Variants in TRERF1 observed in about 807,000 individuals in gnomAD.
TRERF1 encodes transcriptional-regulating factor 1.
TRERF1 carries 27 observed loss-of-function variants against 122.9 expected under a neutral mutation model. The ratio of observed to expected loss-of-function variants is 0.22; its 90% CI spans 0.16 to 0.30. The LOEUF (loss-of-function observed/expected upper bound fraction) is 0.30, where lower values mean the gene tolerates loss of function less well. TRERF1 is among the 10% of genes least tolerant of loss of function. TRERF1 has a pLI of 1.00. For synonymous variants in TRERF1, 636 were observed against 641.7 expected (o/e 0.99, Z 0.13); for missense variants, 1,248 against 1,560.3 (o/e 0.80, Z 3.37).
At chr6:42,339,262 C>A (rs376306846) in intron 3 of TRERF1, among the ~76,000 whole-genome samples, 7 of 152,206 alleles carry the variant, frequency 4.6e-5, no homozygotes, top group African/African-American at 1.7e-4. Flanking sequence ...CAAAAGCATG[C>A]CTATGGTCTT....
At chr6:42,442,074 C>T (rs1419055909) in intron 2 of TRERF1, among the ~76,000 whole-genome samples, 1 of 152,106 alleles carries the variant, frequency 6.6e-6, no homozygotes, top group African/African-American at 2.4e-5. Flanking sequence ...CCCCTCAGCT[C>T]GCATGTATTC....
intron 5 of TRERF1, among the ~76,000 whole-genome samples, chr6:42,266,377 C>T (rs1037167992): frequency 3.9e-5 from 6 of 152,004 alleles, no homozygotes; most frequent in Non-Finnish European, 7.4e-5. Flanking sequence ...TTTGTAGAGG[C>T]AAGGTCTCGC....
intron 2 of TRERF1, among the ~76,000 whole-genome samples, chr6:42,441,245 T>C (rs1313525334): frequency 6.6e-6 from 1 of 152,152 alleles, no homozygotes; most frequent in Non-Finnish European, 1.5e-5. Flanking sequence ...CAAAGCCCTC[T>C]ACATTTTTTC....
At position 42,250,992 on chromosome 6, in the gene TRERF1, C is replaced by CTTTTT. The variant is rs70987586; in HGVS notation, c.2656+3854_2656+3858dup. Among the ~76,000 whole-genome samples the CTTTTT allele has an allele frequency of 2.5e-3, 245 of 97,612 alleles. 1 individual carries two copies. The highest frequency in any genetic ancestry group is 3.5e-3 in the Non-Finnish European group (181 of 51,164). The allele number at this position is 97,612 out of a possible 152,430, so 64.0% of individuals were successfully genotyped here. A position where few individuals can be genotyped will look rare whatever the true frequency, so the allele number is the denominator to read the frequency against. On this transcript the variant is annotated intron_variant, in intron 13 of 17. Transcript: ENST00000372922. ...ATAATTTTTTTCTTTTCTTTTGCTT[C>CTTTTT]TTTTTTTTTTTTTTTTTTTTTTGAG... is the stretch of plus-strand genomic sequence containing the variant.
intron 2 of TRERF1, among the ~76,000 whole-genome samples, chr6:42,435,606 A>C (rs1785190593): frequency 6.6e-6 from 1 of 152,182 alleles, no homozygotes; most frequent in African/African-American, 2.4e-5. Context: ...ATGTACAAGG[A>C]TATTTATCAA....
chr6:42,241,037 C>A (rs1199388373), intron 15 of TRERF1, among the ~76,000 whole-genome samples: 1 of 152,024 alleles, frequency 6.6e-6, no homozygotes, highest in Non-Finnish European at 1.5e-5. Context: ...GGACTACAGG[C>A]GTGCACTACC....
rs938286372 is a variant in TRERF1, at chr6:42,310,052, C to A, written c.-370-9303G>T. Among the ~76,000 whole-genome samples the A allele has an allele frequency of 2.6e-5, 4 of 152,064 alleles. No homozygotes were observed. In the South Asian group the frequency reaches 8.3e-4, roughly 32 times the overall value. ...TGCTGGGATTACAAGCATAAGCCCC[C>A]GCACCCAGCCTAAAATTAAACTTAA... On this transcript the variant is annotated intron_variant, in intron 3 of 17. Transcript: ENST00000372922.
chr6:42,358,045 G>T (rs1417037413), intron 3 of TRERF1, among the ~76,000 whole-genome samples: 1 of 152,050 alleles, frequency 6.6e-6, no homozygotes, highest in African/African-American at 2.4e-5. Flanking sequence ...CCTTTCTGGG[G>T]CTCCTGGGAT....
chr6:42,258,094 G>C (rs1777091869), intron 10 of TRERF1, 41 bp downstream of exon 10: 1 of 1,543,662 alleles, frequency 6.5e-7, no homozygotes, highest in African/African-American at 1.4e-5. Context: ...TTCTCAAGAA[G>C]CTGAGGCTTC....
intron 7 of TRERF1, among the ~76,000 whole-genome samples, chr6:42,264,218 C>A (rs948077771): frequency 3.3e-5 from 5 of 152,222 alleles, no homozygotes; most frequent in South Asian, 4.2e-4. Flanking sequence ...ATCTGGATAT[C>A]CTACCTGGAT....
chr6:42,228,047 TG>T lies in TRERF1; in HGVS notation c.*297del, dbSNP rs112473789. 13 of 268,624 alleles carry T rather than the reference TG, an allele frequency of 4.8e-5. No individual in the cohort carries two copies. The highest frequency in any genetic ancestry group is 2.7e-4 in the African/African-American group (12 of 44,892). The allele number at this position is 268,624 out of a possible 1,614,324, so 16.6% of individuals were successfully genotyped here. ...CGGGATGGTTGACATCTGAATGCAA[TG>T]GAACATGAAGGTCAGCTTCAGTCCC... On this transcript the variant is annotated 3_prime_UTR_variant, in exon 18 of 18. Coordinates refer to ENST00000372922, the Ensembl canonical transcript of TRERF1. This position sits in a 1 kb window ranked among gnomAD's most constrained non-coding sequence, Gnocchi z 4.2.
chr6:42,239,070 C>A (rs1336409033), intron 15 of TRERF1, among the ~76,000 whole-genome samples: 2 of 152,130 alleles, frequency 1.3e-5, no homozygotes, highest in Non-Finnish European at 2.9e-5. Context: ...GCATGTTTAT[C>A]CATCTGTAAA....
At chr6:42,397,813 T>C (rs561779755) in intron 2 of TRERF1, among the ~76,000 whole-genome samples, 4 of 152,264 alleles carry the variant, frequency 2.6e-5, no homozygotes, top group African/African-American at 7.2e-5. Flanking sequence ...AGAGAAATAA[T>C]ATATACAGCA....
At position 42,246,254 on chromosome 6, in the gene TRERF1, C is replaced by G. The variant is rs560097405; in HGVS notation, c.2745+202G>C. Reference sequence around the variant, plus strand: ...CACTGCAGTGTCCAGATAATCTACGCCTTCTTTCCCCTGTCCTCTCCCTGC... The same window carrying G: ...CACTGCAGTGTCCAGATAATCTACGGCTTCTTTCCCCTGTCCTCTCCCTGC... On this transcript the variant is annotated intron_variant, in intron 14 of 17. Transcript: ENST00000372922. 9.2e-5 allele frequency among the ~76,000 whole-genome samples: 14 copies of G among 152,280 alleles called. No homozygotes were observed. In the South Asian group the frequency reaches 2.3e-3, roughly 25 times the overall value.
At chr6:42,339,887 T>C (rs1411609617) in intron 3 of TRERF1, among the ~76,000 whole-genome samples, 1 of 152,254 alleles carries the variant, frequency 6.6e-6, no homozygotes, top group Admixed American at 6.5e-5. Context: ...GAAAAGTCTA[T>C]TTTAATGCTG....
intron 3 of TRERF1, among the ~76,000 whole-genome samples, chr6:42,318,177 T>G (rs1378914526): frequency 6.6e-6 from 1 of 152,072 alleles, no homozygotes; most frequent in Non-Finnish European, 1.5e-5. Context: ...AAGCTCTTTG[T>G]AAATACTAGT....
At chr6:42,356,378 C>T (rs1019887128) in intron 3 of TRERF1, among the ~76,000 whole-genome samples, 5 of 152,156 alleles carry the variant, frequency 3.3e-5, no homozygotes, top group African/African-American at 9.7e-5. Flanking sequence ...GAAGCTCCCA[C>T]GATGGGATGG....
intron 2 of TRERF1, among the ~76,000 whole-genome samples, chr6:42,386,208 A>G (rs1581928926): frequency 6.6e-6 from 1 of 152,278 alleles, no homozygotes; most frequent in African/African-American, 2.4e-5. Context: ...CAGGCACTGT[A>G]TTTTTAGTAG....
chr6:42,266,514 G>C (rs1013310669), intron 5 of TRERF1, among the ~76,000 whole-genome samples: 1 of 152,108 alleles, frequency 6.6e-6, no homozygotes, highest in African/African-American at 2.4e-5. Context: ...AAAAGCCTTA[G>C]CCAAATCATC....
Sources: allele counts gnomAD v4.1 joint callset (sites outside exome capture counted in the v4.1 genomes callset), GRCh38; gene constraint gnomAD v4.1.1; non-coding constraint Gnocchi (gnomAD v3.1); transcripts MANE v1.5; gene names NCBI Gene and HGNC (gene_info 2026-07-23, HGNC 2026-07-21).